The following TFB2M variants were observed in gnomAD, a reference collection of about 807,000 sequenced individuals.
TFB2M encodes transcription factor B2, mitochondrial, also known as dimethyladenosine transferase 2, mitochondrial.
A neutral mutation model predicts 41.3 loss-of-function variants in TFB2M; 44 were observed. That is an observed-to-expected ratio of 1.07 (90% CI 0.84 to 1.37). TFB2M has a LOEUF of 1.37. Ranked by LOEUF, TFB2M falls within the 40% of genes most tolerant of loss-of-function variation. The pLI is 0.00. For missense variants in TFB2M, 496 were observed against 490.2 expected, an observed-to-expected ratio of 1.01 and a Z score of -0.11; for synonymous variants, 188 against 176.8, an observed-to-expected ratio of 1.06 and a Z score of -0.50.
At chr1:246,541,817 C>T (rs972082010) in intron 7 of TFB2M, among the ~76,000 whole-genome samples, 1 of 152,170 alleles carries the variant, frequency 6.6e-6, no homozygotes, top group Non-Finnish European at 1.5e-5. Flanking sequence ...TGCTGTTTGG[C>T]AGTTTACAAA....
intron 6 of TFB2M, 125 bp downstream of exon 6, chr1:246,548,420 A>T: frequency 1.3e-6 from 1 of 751,750 alleles, no homozygotes; most frequent in Non-Finnish European, 2.0e-6. Flanking sequence ...AGATATGTTT[A>T]AAGAATGTTT....
intron 1 of TFB2M, among the ~76,000 whole-genome samples, chr1:246,565,572 C>A (rs1253012101): frequency 6.6e-6 from 1 of 152,052 alleles, no homozygotes; most frequent in Non-Finnish European, 1.5e-5. Context: ...ATTAGCTGGG[C>A]GTGGTGGCGC....
intron 4 of TFB2M, among the ~76,000 whole-genome samples, chr1:246,553,961 A>T (rs552007613): frequency 1.3e-5 from 2 of 152,364 alleles, no homozygotes; most frequent in South Asian, 4.1e-4. Flanking sequence ...AGGTAACAGT[A>T]GCAACACAGT....
At chr1:246,556,330 G>A (rs1475992281) in intron 4 of TFB2M, among the ~76,000 whole-genome samples, 2 of 152,136 alleles carry the variant, frequency 1.3e-5, no homozygotes, top group African/African-American at 2.4e-5. Flanking sequence ...ACAGAGTTTT[G>A]GTATGGGATG....
At chr1:246,550,186 C>A (rs1256975410) in intron 5 of TFB2M, among the ~76,000 whole-genome samples, 1 of 152,174 alleles carries the variant, frequency 6.6e-6, no homozygotes, top group African/African-American at 2.4e-5. Flanking sequence ...CTGAAAGCTA[C>A]CAGGACAGAA....
At chr1:246,543,242 A>G (rs1658912295) in intron 7 of TFB2M, among the ~76,000 whole-genome samples, 1 of 152,048 alleles carries the variant, frequency 6.6e-6, no homozygotes, top group African/African-American at 2.4e-5. Flanking sequence ...TAAATGATCA[A>G]ATTTGTTAAA....
chr1:246,560,392 G>A (rs938906585), intron 2 of TFB2M, among the ~76,000 whole-genome samples: 3 of 152,126 alleles, frequency 2.0e-5, no homozygotes, highest in Admixed American at 1.3e-4. Flanking sequence ...GTGTGGGGGC[G>A]TGTGCCTGTA....
At chr1:246,544,267 C>T (rs1999849) in intron 7 of TFB2M, among the ~76,000 whole-genome samples, 150,220 of 152,322 alleles carry the variant, frequency 0.99, 74,075 homozygotes, top group East Asian at 1. Flanking sequence ...AAGCTAAGCC[C>T]ATACTCTCAA....
chr1:246,550,654 C>T (rs954213090), intron 5 of TFB2M, among the ~76,000 whole-genome samples: 23 of 152,266 alleles, frequency 1.5e-4, no homozygotes, highest in Non-Finnish European at 1.8e-4. Context: ...GAGGCTGAGG[C>T]GGGTAGATCA....
At chr1:246,555,453 G>A (rs1659296779) in intron 4 of TFB2M, among the ~76,000 whole-genome samples, 1 of 152,062 alleles carries the variant, frequency 6.6e-6, no homozygotes, top group Non-Finnish European at 1.5e-5. Context: ...GTGTGTGGCT[G>A]CAGTCCCAGC....
intron 4 of TFB2M, among the ~76,000 whole-genome samples, chr1:246,552,134 G>C (rs1219131981): frequency 6.6e-6 from 1 of 152,106 alleles, no homozygotes; most frequent in Non-Finnish European, 1.5e-5. Context: ...AAAAAGCTGG[G>C]TGCAGTGGTG....
chr1:246,548,479 TA>T, intron 6 of TFB2M, 65 bp downstream of exon 6: 1 of 1,275,714 alleles, frequency 7.8e-7, no homozygotes, highest in Non-Finnish European at 1.1e-6. Context: ...CAAATAGTCC[TA>T]AAAAAATAAA....
chr1:246,561,484 T>G (rs898136423), intron 2 of TFB2M, among the ~76,000 whole-genome samples: 10 of 152,196 alleles, frequency 6.6e-5, no homozygotes, highest in African/African-American at 2.4e-4. Flanking sequence ...TTTTTTCTTT[T>G]GAGACTGAGT....
chr1:246,557,434 G>GAC lies in TFB2M; in HGVS notation c.501_502dup (p.Ser168CysfsTer12). The stretch of plus-strand genomic sequence containing the variant: ...CAAATTCTTAAAGAGCCCTCGAGAA[G>GAC]ACATAGCAGGTGGTTTTATTACTCC... On this transcript the variant is annotated frameshift_variant, in exon 3 of 8. Transcript: ENST00000366514. LOFTEE classifies it high-confidence loss of function. 1 of 1,613,736 alleles carries GAC rather than the reference G, an allele frequency of 6.2e-7. No homozygotes were observed. The highest frequency in any genetic ancestry group is 8.5e-7 in the Non-Finnish European group (1 of 1,179,908).
chr1:246,544,982 T>A (rs537906839), intron 6 of TFB2M, among the ~76,000 whole-genome samples: 92 of 152,094 alleles, frequency 6.0e-4, no homozygotes, highest in Admixed American at 1.8e-3. Flanking sequence ...ATTTTTTGTA[T>A]TTTTAGTAGA....
chr1:246,565,605 G>C (rs1176291859), intron 1 of TFB2M, among the ~76,000 whole-genome samples: 2 of 152,130 alleles, frequency 1.3e-5, no homozygotes, highest in African/African-American at 4.8e-5. Context: ...CTTGCTACTC[G>C]GGAGGCTGAG....
intron 6 of TFB2M, among the ~76,000 whole-genome samples, chr1:246,546,576 C>A (rs1201306764): frequency 2.0e-5 from 3 of 147,014 alleles, no homozygotes; most frequent in African/African-American, 7.6e-5. Context: ...ATCATGCCAT[C>A]GCACTCCAGC....
At chr1:246,546,983 A>ACACAT (rs764498048) in intron 6 of TFB2M, among the ~76,000 whole-genome samples, 7 of 127,178 alleles carry the variant, frequency 5.5e-5, no homozygotes, top group Non-Finnish European at 9.9e-5. Context: ...ACACACACAC[A>ACACAT]TTTTTTTTTT....
At chr1:246,543,556 A>G (rs1187007682) in intron 7 of TFB2M, among the ~76,000 whole-genome samples, 1 of 152,078 alleles carries the variant, frequency 6.6e-6, no homozygotes, top group Non-Finnish European at 1.5e-5. Flanking sequence ...CCTACACACA[A>G]ATTACATGGA....
Sources: gnomAD v4.1 joint callset for allele counts (sites outside exome capture counted in the v4.1 genomes callset) on GRCh38, gnomAD v4.1.1 for gene constraint, MANE v1.5 for transcripts, NCBI Gene and HGNC (gene_info 2026-07-23, HGNC 2026-07-21) for gene names.